Variants in COMMD10 observed in about 807,000 individuals in gnomAD.
COMMD10 encodes COMM domain containing 10, also known as COMM domain-containing protein 10.
COMMD10 carries 33 observed loss-of-function variants against 28.9 expected under a neutral mutation model. That is an observed-to-expected ratio of 1.14 (90% CI 0.87 to 1.53). The LOEUF (loss-of-function observed/expected upper bound fraction) is 1.53, where lower values mean the gene tolerates loss of function less well. Ranked by LOEUF, COMMD10 falls within the 40% of genes most tolerant of loss-of-function variation. The pLI, the probability that COMMD10 is intolerant of heterozygous loss-of-function variation, is 0.00. For missense variants in COMMD10, 310 were observed against 233.4 expected, an observed-to-expected ratio of 1.33 and a Z score of -2.14; for synonymous variants, 110 against 81.7, an observed-to-expected ratio of 1.35 and a Z score of -1.87.
intron 5 of COMMD10, among the ~76,000 whole-genome samples, chr5:116,135,115 A>AG (rs1255496637): frequency 6.6e-6 from 1 of 152,108 alleles, no homozygotes; most frequent in Non-Finnish European, 1.5e-5. Flanking sequence ...AAGGTAGAAA[A>AG]GGGGGAGTGA....
At chr5:116,108,570 A>C (rs866318319) in intron 4 of COMMD10, among the ~76,000 whole-genome samples, 28 of 152,314 alleles carry the variant, frequency 1.8e-4, no homozygotes, top group Middle Eastern at 3.4e-3. Context: ...AGGTCAACTC[A>C]GACTGCTGTG....
chr5:116,194,490 C>T (rs1359093149), intron 5 of COMMD10, among the ~76,000 whole-genome samples: 2 of 152,202 alleles, frequency 1.3e-5, no homozygotes, highest in South Asian at 2.1e-4. Context: ...GGAGATATTA[C>T]AACTGACACT....
chr5:116,261,683 T>C (rs1248338040), intron 5 of COMMD10, among the ~76,000 whole-genome samples: 1 of 151,774 alleles, frequency 6.6e-6, no homozygotes, highest in Non-Finnish European at 1.5e-5. Context: ...TGTACAGATT[T>C]CTGGCTTCCT....
intron 5 of COMMD10, among the ~76,000 whole-genome samples, chr5:116,142,202 C>G (rs148508345): frequency 6.6e-6 from 1 of 151,822 alleles, no homozygotes; most frequent in African/African-American, 2.4e-5. Flanking sequence ...AATGCTGTAA[C>G]AAATCATTTT....
At chr5:116,268,012 G>C (rs1374604028) in intron 5 of COMMD10, among the ~76,000 whole-genome samples, 1 of 151,642 alleles carries the variant, frequency 6.6e-6, no homozygotes, top group African/African-American at 2.4e-5. Context: ...GAAAACCTAG[G>C]CAATACCATT....
At chr5:116,178,423 A>T (rs1004813227) in intron 5 of COMMD10, among the ~76,000 whole-genome samples, 1 of 152,148 alleles carries the variant, frequency 6.6e-6, no homozygotes, top group Non-Finnish European at 1.5e-5. Context: ...ATTACATTAC[A>T]TATTTGGAGT....
At chr5:116,208,619 A>G (rs1373729178) in intron 5 of COMMD10, among the ~76,000 whole-genome samples, 1 of 152,194 alleles carries the variant, frequency 6.6e-6, no homozygotes, top group African/African-American at 2.4e-5. Context: ...CAATAATTGA[A>G]ACACATAAAA....
chr5:116,147,143 T>A (rs1752377697), intron 5 of COMMD10, among the ~76,000 whole-genome samples: 1 of 151,800 alleles, frequency 6.6e-6, no homozygotes, highest in Admixed American at 6.6e-5. Context: ...TTTTGGTGTG[T>A]ATCTGGATGA....
intron 5 of COMMD10, among the ~76,000 whole-genome samples, chr5:116,191,411 G>C (rs1318397325): frequency 1.3e-5 from 2 of 151,852 alleles, no homozygotes; most frequent in South Asian, 4.2e-4. Flanking sequence ...TTTCAAGCCT[G>C]TGTCACCCAC....
chr5:116,169,923 C>T (rs748722790), intron 5 of COMMD10, among the ~76,000 whole-genome samples: 20 of 151,924 alleles, frequency 1.3e-4, no homozygotes, highest in Admixed American at 7.2e-4. Context: ...CTTTGAAAAC[C>T]GGCAGAAGAC....
intron 4 of COMMD10, among the ~76,000 whole-genome samples, chr5:116,100,518 CT>C (rs768113794): frequency 0.025 from 3,263 of 132,664 alleles, 88 homozygotes; most frequent in African/African-American, 0.074. Context: ...GGTCCAGTTC[CT>C]TTTTTTTTTT....
intron 5 of COMMD10, among the ~76,000 whole-genome samples, chr5:116,147,336 A>G (rs1476362634): frequency 6.6e-6 from 1 of 151,850 alleles, no homozygotes; most frequent in Non-Finnish European, 1.5e-5. Flanking sequence ...TCTTTATCTC[A>G]CGAATTATCC....
chr5:116,214,047 T>C (rs1017379556), intron 5 of COMMD10, among the ~76,000 whole-genome samples: 3 of 152,130 alleles, frequency 2.0e-5, no homozygotes, highest in Non-Finnish European at 4.4e-5. Context: ...TAGTATATTA[T>C]GTAGGGTAGC....
At chr5:116,166,401 C>G (rs1390576981) in intron 5 of COMMD10, among the ~76,000 whole-genome samples, 1 of 152,108 alleles carries the variant, frequency 6.6e-6, no homozygotes, top group Non-Finnish European at 1.5e-5. Context: ...AGGGGAAGTT[C>G]TGGCAAGTTT....
At chr5:116,254,767 A>G (rs575639363) in intron 5 of COMMD10, among the ~76,000 whole-genome samples, 1 of 151,804 alleles carries the variant, frequency 6.6e-6, no homozygotes, top group South Asian at 2.1e-4. Context: ...ACAAAAATGT[A>G]TATTCTGTTG....
chr5:116,175,153 A>G (rs1355346457), intron 5 of COMMD10, among the ~76,000 whole-genome samples: 7 of 151,572 alleles, frequency 4.6e-5, no homozygotes, highest in Non-Finnish European at 8.8e-5. Flanking sequence ...CTATCTCCTT[A>G]CCTTGTTTTA....
rs187839689 is a variant in COMMD10, at chr5:116,202,133, A to G, written c.510+67955A>G. 2.7e-3 allele frequency among the ~76,000 whole-genome samples: 396 copies of G among 148,620 alleles called. 1 individual carries two copies. The highest frequency in any genetic ancestry group is 4.5e-3 in the Non-Finnish European group (304 of 67,624). The stretch of plus-strand genomic sequence containing the variant: ...TTCCCACCTATGAATGAGAACATGC[A>G]GTGTTTGTTTTTTTGTCCTCGCGAT... On this transcript the variant is annotated intron_variant, in intron 5 of 6. Transcript: ENST00000274458.
At chr5:116,254,451 C>T (rs1041249675) in intron 5 of COMMD10, among the ~76,000 whole-genome samples, 1 of 151,140 alleles carries the variant, frequency 6.6e-6, no homozygotes, top group South Asian at 2.1e-4. Context: ...ATAAATTTCC[C>T]TCTACACACT....
At chr5:116,264,632 G>A (rs1750536051) in intron 5 of COMMD10, among the ~76,000 whole-genome samples, 1 of 151,880 alleles carries the variant, frequency 6.6e-6, no homozygotes, top group African/African-American at 2.4e-5. Flanking sequence ...ACACAGCACT[G>A]TGGTCTCCTG....
Sources: allele counts gnomAD v4.1 joint callset (sites outside exome capture counted in the v4.1 genomes callset), GRCh38; gene constraint gnomAD v4.1.1; transcripts MANE v1.5; gene names NCBI Gene and HGNC (gene_info 2026-07-23, HGNC 2026-07-21).